The following ERCC6 variants were observed in gnomAD, a reference collection of about 807,000 sequenced individuals.
The protein encoded by ERCC6 is DNA excision repair protein ERCC-6.
A neutral mutation model predicts 158.7 loss-of-function variants in ERCC6; 116 were observed. That is an observed-to-expected ratio of 0.73 (90% CI 0.63 to 0.85). The LOEUF is 0.85. Among genes scored for constraint, ERCC6 ranks in the 40% least tolerant of loss-of-function variants. ERCC6 has a pLI of 0.00. For missense variants in ERCC6, 1,698 were observed against 1,799.4 expected (o/e 0.94, Z 1.02); for synonymous variants, 678 against 659.3 (o/e 1.03, Z -0.43).
In ERCC6 at chr10:49,483,329, G is replaced by GT; in HGVS notation, c.1992+16dup. 1 of 1,613,436 alleles carries GT rather than the reference G, an allele frequency of 6.2e-7. No homozygotes were observed. The highest frequency in any genetic ancestry group is 8.5e-7 in the Non-Finnish European group (1 of 1,179,424). ...TCTTCTCCACTTGGAAATCTCCCTTGTTAAAAGAGGTCATACCTGTTTGCA... is the reference window on the plus strand; with the variant it reads ...TCTTCTCCACTTGGAAATCTCCCTTGTTTAAAAGAGGTCATACCTGTTTGCA... On this transcript the variant is annotated intron_variant, in intron 9 of 20. Coordinates refer to ENST00000355832, the MANE Select transcript of ERCC6 (RefSeq NM_000124.4).
chr10:49,495,947 C>A (rs1851259251), intron 7 of ERCC6, among the ~76,000 whole-genome samples: 1 of 152,208 alleles, frequency 6.6e-6, no homozygotes, highest in African/African-American at 2.4e-5. Context: ...GCCCACTGCT[C>A]TTGCGACAGA....
the ERCC6 span, among the ~76,000 whole-genome samples, chr10:49,444,265 C>T: frequency 4.6e-5 from 7 of 152,334 alleles, no homozygotes; most frequent in African/African-American, 7.2e-5. Context: ...CCTACTGAGA[C>T]TCGCTCCTGG....
intron 18 of ERCC6, among the ~76,000 whole-genome samples, chr10:49,463,474 G>A (rs1850619372): frequency 6.6e-6 from 1 of 152,034 alleles, no homozygotes; most frequent in Non-Finnish European, 1.5e-5. Context: ...GTGGCTGTCA[G>A]GATATATGAA....
intron 6 of ERCC6, chr10:49,505,242 G>A (rs1426638603): frequency 6.6e-6 from 1 of 152,260 alleles, no homozygotes; most frequent in East Asian, 1.9e-4. Context: ...AGCCCTTAGA[G>A]ACAACATGAA....
intron 5 of ERCC6, chr10:49,516,776 T>C (rs1429483731): frequency 6.2e-7 from 1 of 1,614,140 alleles, no homozygotes; most frequent in Non-Finnish European, 8.5e-7. Flanking sequence ...CTTTTTTCCA[T>C]TTGCAAAGAA....
chr10:49,498,514 C>G (rs1851303536), intron 7 of ERCC6, among the ~76,000 whole-genome samples: 1 of 152,158 alleles, frequency 6.6e-6, no homozygotes, highest in South Asian at 2.1e-4. Context: ...GACCACACTC[C>G]TCTGTAAACT....
At chr10:49,473,419 T>C in intron 14 of ERCC6, 58 bp downstream of exon 14, 1 of 1,119,126 alleles carries the variant, frequency 8.9e-7, no homozygotes, top group Admixed American at 1.7e-5. Context: ...ATACGCTTAG[T>C]CCTTTCCCTC....
chr10:49,539,318 T>A (rs1237554032), upstream of ERCC6: 2 of 152,304 alleles, frequency 1.3e-5, no homozygotes, highest in East Asian at 3.8e-4. Flanking sequence ...TTATGAAAGT[T>A]AAGACATATT....
At position 49,538,580 on chromosome 10, in the gene ERCC6, C is replaced by T. The variant is rs144779918; in HGVS notation, c.-15+382G>A. Among the ~76,000 whole-genome samples, 391 of 152,332 alleles carry T rather than the reference C, an allele frequency of 2.6e-3. 3 individuals carry two copies. Among genetic ancestry groups the T allele is most frequent in the Middle Eastern group, 6.8e-3 (2 of 294 alleles). ...TCCGCCCACACTCTTATCAATTTGACTCTATCAACGCCCAAAACGTCGGAC... is the reference window on the plus strand; with the variant it reads ...TCCGCCCACACTCTTATCAATTTGATTCTATCAACGCCCAAAACGTCGGAC... On this transcript the variant is annotated intron_variant, in intron 1 of 20. Transcript: ENST00000355832.
chr10:49,459,687 C>T (rs1483218099), intron 20 of ERCC6, among the ~76,000 whole-genome samples: 1 of 152,160 alleles, frequency 6.6e-6, no homozygotes, highest in African/African-American at 2.4e-5. Flanking sequence ...AGTCTTCTTA[C>T]TCTTTCCTAC....
intron 8 of ERCC6, among the ~76,000 whole-genome samples, chr10:49,486,186 C>A (rs922528856): frequency 1.7e-4 from 26 of 152,144 alleles, no homozygotes; most frequent in African/African-American, 6.3e-4. Flanking sequence ...GACACATCCA[C>A]AGCCTACCCA....
At chr10:49,475,588 TAG>T (rs1590410535) in intron 12 of ERCC6, 2 of 270,356 alleles carry the variant, frequency 7.4e-6, no homozygotes, top group African/African-American at 4.4e-5. Flanking sequence ...ATTTATACAA[TAG>T]AGTCTTTTGG....
At chr10:49,527,329 T>TAAAA (rs1449094606) in intron 4 of ERCC6, among the ~76,000 whole-genome samples, 1 of 152,200 alleles carries the variant, frequency 6.6e-6, no homozygotes, top group Non-Finnish European at 1.5e-5. Flanking sequence ...ACACAGCAGT[T>TAAAA]AAAAGCACTG....
In ERCC6 at chr10:49,539,054, T is replaced by G. The variant is rs886047042; in HGVS notation, c.-107A>C. ...TCGACGGGCCGTGGCGCCTGCGCCC[T>G]CAGCTCAACCATAGACACCGCCCCC... On this transcript the variant is annotated 5_prime_UTR_variant, in exon 1 of 21. Transcript: ENST00000355832. 1 of 152,480 alleles carries G rather than the reference T, an allele frequency of 6.6e-6. No individual in the cohort carries two copies. The highest frequency in any genetic ancestry group is 1.9e-4 in the East Asian group (1 of 5,178). 9.4% of individuals were successfully genotyped at this position (152,480 alleles called of 1,614,324 possible).
chr10:49,535,669 A>G (rs1411615490), intron 1 of ERCC6, among the ~76,000 whole-genome samples: 1 of 152,248 alleles, frequency 6.6e-6, no homozygotes, highest in Non-Finnish European at 1.5e-5. Context: ...CTATTTCTGT[A>G]AAATAATATC....
At chr10:49,531,797 G>A (rs1035231006) in intron 2 of ERCC6, among the ~76,000 whole-genome samples, 3 of 152,096 alleles carry the variant, frequency 2.0e-5, no homozygotes, top group African/African-American at 7.2e-5. Context: ...CTGTGACACT[G>A]CTCCATCCTC....
At chr10:49,449,376 T>TTTTCCC (rs1850393572), downstream of ERCC6, among the ~76,000 whole-genome samples, 2 of 152,138 alleles carry the variant, frequency 1.3e-5, no homozygotes, top group South Asian at 4.1e-4. Flanking sequence ...GTAGGTTGTC[T>TTTTCCC]TTTCCCTTTC....
chr10:49,440,274 CT>C, the ERCC6 span, among the ~76,000 whole-genome samples: 1 of 152,182 alleles, frequency 6.6e-6, no homozygotes, highest in African/African-American at 2.4e-5. Flanking sequence ...GTGAAAGGCA[CT>C]TCTTACATGG....
rs2132639428 is a variant in ERCC6, at chr10:49,532,758, C to T, written c.207G>A (p.Gly69=). Residue 69 remains glycine (G), a synonymous_variant, in exon 2 of 21, where the codon GGG becomes GGA. Coordinates refer to ENST00000355832, the MANE Select transcript of ERCC6 (RefSeq NM_000124.4). ...VGCASAAPRR[G]PALLHIDRHQ... ...GTCGGTCGATGTGCAGCAGGGCTGGCCCTCTCCTCGGAGCTGCTGATGCGC... is the reference window on the plus strand; with the variant it reads ...GTCGGTCGATGTGCAGCAGGGCTGGTCCTCTCCTCGGAGCTGCTGATGCGC... 2.5e-6 allele frequency: 4 copies of T among 1,614,248 alleles called. No homozygotes were observed. Among genetic ancestry groups the T allele is most frequent in the Non-Finnish European group, 3.4e-6 (4 of 1,180,050 alleles).
Sources: gnomAD v4.1 joint callset for allele counts (sites outside exome capture counted in the v4.1 genomes callset) on GRCh38, gnomAD v4.1.1 for gene constraint, MANE v1.5 for transcripts, NCBI Gene and HGNC (gene_info 2026-07-23, HGNC 2026-07-21) for gene names.